PMS1: variants seen among roughly 807,000 people sequenced by gnomAD.
PMS1 encodes the protein PMS1 protein homolog 1.
A neutral mutation model predicts 93.1 loss-of-function variants in PMS1; 79 were observed. The observed-to-expected ratio is 0.85, with a 90% confidence interval of 0.71 to 1.02. The LOEUF (loss-of-function observed/expected upper bound fraction) is 1.02. Among genes scored for constraint, PMS1 ranks in the 50% least tolerant of loss-of-function variants. The pLI is 0.00. For synonymous variants in PMS1, 335 were observed against 363.4 expected (o/e 0.92, Z 0.89); for missense variants, 1,064 against 1,085.3 (o/e 0.98, Z 0.28).
chr2:189,817,939 T>G, intron 4 of PMS1, 78 bp from the exon 5 acceptor site: 1 of 1,118,068 alleles, frequency 8.9e-7, no homozygotes, highest in Non-Finnish European at 1.4e-6. Flanking sequence ...AAGGGGTTAA[T>G]TACAAATTGT....
chr2:189,804,538 G>A (rs1575076046), intron 3 of PMS1, among the ~76,000 whole-genome samples: 1 of 152,068 alleles, frequency 6.6e-6, no homozygotes, highest in African/African-American at 2.4e-5. Context: ...AGAATCTAAC[G>A]TCCTCTGCTG....
At chr2:189,832,458 C>T (rs1352194097) in intron 5 of PMS1, among the ~76,000 whole-genome samples, 1 of 151,808 alleles carries the variant, frequency 6.6e-6, no homozygotes, top group African/African-American at 2.4e-5. Context: ...CAAGGCTGAC[C>T]AGAAGGGTTT....
intron 5 of PMS1, among the ~76,000 whole-genome samples, chr2:189,839,238 G>A (rs946955963): frequency 2.0e-5 from 3 of 152,074 alleles, no homozygotes; most frequent in Non-Finnish European, 2.9e-5. Context: ...TGATCCACCC[G>A]CCTTGGCCTC....
At chr2:189,827,395 C>T in intron 5 of PMS1, among the ~76,000 whole-genome samples, 1 of 152,052 alleles carries the variant, frequency 6.6e-6, no homozygotes, top group African/African-American at 2.4e-5. Flanking sequence ...CTCTAAAACT[C>T]TTTGATTTTT....
At chr2:189,846,082 A>C (rs2054229872) in intron 6 of PMS1, among the ~76,000 whole-genome samples, 1 of 152,110 alleles carries the variant, frequency 6.6e-6, no homozygotes, top group African/African-American at 2.4e-5. Context: ...AGGGGACATG[A>C]GAGGTAATTT....
chr2:189,797,127 C>A (rs1438414774), intron 3 of PMS1, among the ~76,000 whole-genome samples: 1 of 152,142 alleles, frequency 6.6e-6, no homozygotes, highest in Non-Finnish European at 1.5e-5. Flanking sequence ...GAAAGCATAT[C>A]ATTTTTGTTT....
At chr2:189,860,069 A>G (rs559928490) in intron 9 of PMS1, among the ~76,000 whole-genome samples, 31 of 152,022 alleles carry the variant, frequency 2.0e-4, no homozygotes, top group Non-Finnish European at 3.8e-4. Flanking sequence ...CACTTTCTTA[A>G]ATGGTTTTTT....
chr2:189,821,046 A>T (rs575602947), intron 5 of PMS1, among the ~76,000 whole-genome samples: 1 of 152,298 alleles, frequency 6.6e-6, no homozygotes, highest in African/African-American at 2.4e-5. Context: ...ATATTTAGTA[A>T]TAAAAAGTTT....
chr2:189,852,364 A>G (rs5743126), intron 6 of PMS1, among the ~76,000 whole-genome samples: 254 of 152,344 alleles, frequency 1.7e-3, no homozygotes, highest in African/African-American at 6.0e-3. Flanking sequence ...TGAATGCTCT[A>G]TGTCCTATGA....
At chr2:189,813,165 T>C (rs1397770764) in intron 4 of PMS1, among the ~76,000 whole-genome samples, 1 of 152,214 alleles carries the variant, frequency 6.6e-6, no homozygotes, top group Admixed American at 6.5e-5. Context: ...ATAAGACTTA[T>C]GCAATATTGC....
At chr2:189,856,420 G>C (rs2055342222) in intron 9 of PMS1, among the ~76,000 whole-genome samples, 1 of 151,802 alleles carries the variant, frequency 6.6e-6, no homozygotes, top group African/African-American at 2.4e-5. Flanking sequence ...AACCATAATT[G>C]TCATAACTTT....
chr2:189,785,358 T>C (rs1399689751), intron 1 of PMS1: 1 of 152,230 alleles, frequency 6.6e-6, no homozygotes, highest in East Asian at 1.9e-4. Flanking sequence ...ACACCTGTTG[T>C]CCTTAACTGA....
intron 1 of PMS1, among the ~76,000 whole-genome samples, chr2:189,791,404 G>C (rs984257115): frequency 6.6e-6 from 1 of 152,052 alleles, no homozygotes; most frequent in Non-Finnish European, 1.5e-5. Context: ...CGGATCAGTT[G>C]GGGTCAGGAG....
At position 189,801,789 on chromosome 2, in the gene PMS1, A is replaced by G. The variant is rs998745441; in HGVS notation, c.316-3863A>G. On this transcript the variant is annotated intron_variant, in intron 3 of 12. Transcript: ENST00000441310. ...GGTCAAATACAATAATACATCTTAC[A>G]GTGTCTTGAATATTGTGTACATACA... Among the ~76,000 whole-genome samples, 6 of 152,198 alleles carry G rather than the reference A, an allele frequency of 3.9e-5. No homozygotes were observed. The South Asian group carries it at 1.2e-3, about 32-fold the overall frequency.
At position 189,847,682 on chromosome 2, in the gene PMS1, A is replaced by T. The variant is rs187169620; in HGVS notation, c.699+3602A>T. 4.4e-3 allele frequency among the ~76,000 whole-genome samples: 672 copies of T among 152,246 alleles called. 3 individuals carry two copies. Among genetic ancestry groups the T allele is most frequent in the Non-Finnish European group, 6.5e-3 (445 of 68,030 alleles). ...TCTAATTCTCTTGTCTTTCTCCATG[A>T]ATAGGAAATCTAATTGGGAACAGGG... On this transcript the variant is annotated intron_variant, in intron 6 of 12. Coordinates refer to ENST00000441310, the MANE Select transcript of PMS1 (RefSeq NM_000534.5).
At chr2:189,832,478 T>C (rs1241505966) in intron 5 of PMS1, among the ~76,000 whole-genome samples, 1 of 152,144 alleles carries the variant, frequency 6.6e-6, no homozygotes, top group Non-Finnish European at 1.5e-5. Flanking sequence ...TTCTTTTTTT[T>C]TTATTGAGAT....
chr2:189,805,613 T>G, intron 3 of PMS1, 39 bp from the exon 4 acceptor site: 1 of 1,470,696 alleles, frequency 6.8e-7, no homozygotes, highest in Non-Finnish European at 9.5e-7. Flanking sequence ...CATCGCAATA[T>G]CTAAAGTGTT....
intron 6 of PMS1, among the ~76,000 whole-genome samples, chr2:189,848,416 TG>T (rs1353493031): frequency 3.9e-5 from 6 of 152,226 alleles, no homozygotes; most frequent in Non-Finnish European, 8.8e-5. Flanking sequence ...ATCTAGACTT[TG>T]GTCAGCTATG....
intron 6 of PMS1, among the ~76,000 whole-genome samples, chr2:189,846,072 A>C (rs892418665): frequency 6.6e-6 from 1 of 152,096 alleles, no homozygotes; most frequent in Non-Finnish European, 1.5e-5. Flanking sequence ...CCACAGAAAG[A>C]GGGGACATGA....
Sources: gnomAD v4.1 joint callset for allele counts (sites outside exome capture counted in the v4.1 genomes callset) on GRCh38, gnomAD v4.1.1 for gene constraint, MANE v1.5 for transcripts, NCBI Gene and HGNC (gene_info 2026-07-23, HGNC 2026-07-21) for gene names.